RNF125: variants seen among roughly 807,000 people sequenced by gnomAD.
RNF125 encodes E3 ubiquitin-protein ligase RNF125.
A neutral mutation model predicts 26.0 loss-of-function variants in RNF125; 21 were observed. That is an observed-to-expected ratio of 0.81 (90% CI 0.57 to 1.16). The LOEUF (loss-of-function observed/expected upper bound fraction) is 1.16, where lower values mean the gene tolerates loss of function less well. Among genes scored for constraint, RNF125 ranks in the 50% most tolerant of loss-of-function variants. RNF125 has a pLI of 0.00. For missense variants in RNF125, 270 were observed against 299.4 expected (o/e 0.90, Z 0.72); for synonymous variants, 95 against 109.2 (o/e 0.87, Z 0.81).
rs190902243 is a variant in RNF125, at chr18:32,054,168, G to C, written c.504+8436G>C. Among the ~76,000 whole-genome samples, 96 of 147,424 alleles carry C rather than the reference G, an allele frequency of 6.5e-4. 2 individuals carry two copies. In the East Asian group the frequency reaches 0.018, roughly 28 times the overall value. ...GAGCGCAGTGGCGTGGTCTCGGCTCGGAGCAACCTCCACCTCCTGGGTTCA... is the reference window on the plus strand; with the variant it reads ...GAGCGCAGTGGCGTGGTCTCGGCTCCGAGCAACCTCCACCTCCTGGGTTCA... On this transcript the variant is annotated intron_variant, in intron 4 of 5. Coordinates refer to ENST00000217740, the MANE Select transcript of RNF125 (RefSeq NM_017831.4).
chr18:32,055,966 T>C (rs1411100010), intron 4 of RNF125, among the ~76,000 whole-genome samples: 6 of 71,352 alleles, frequency 8.4e-5, no homozygotes, highest in Non-Finnish European at 1.5e-4. Context: ...GTAACAAGAG[T>C]GAAACTCCAT....
chr18:32,057,265 A>G (rs1017608024), intron 4 of RNF125, among the ~76,000 whole-genome samples: 3 of 152,056 alleles, frequency 2.0e-5, no homozygotes, highest in Non-Finnish European at 4.4e-5. Flanking sequence ...GCACTGTACT[A>G]GCTTTTTTAT....
chr18:32,044,171 T>A (rs1254183990), intron 3 of RNF125, among the ~76,000 whole-genome samples: 1 of 152,048 alleles, frequency 6.6e-6, no homozygotes, highest in African/African-American at 2.4e-5. Flanking sequence ...CATGCCTAGC[T>A]AATTTTTGTG....
At chr18:32,036,373 T>C (rs1359439376) in intron 1 of RNF125, among the ~76,000 whole-genome samples, 2 of 151,666 alleles carry the variant, frequency 1.3e-5, no homozygotes, top group Non-Finnish European at 2.9e-5. Context: ...ATGTGCTGAG[T>C]AGTTTAAGAG....
At chr18:32,090,479 T>C in the RNF125 span, among the ~76,000 whole-genome samples, 1 of 152,188 alleles carries the variant, frequency 6.6e-6, no homozygotes, top group Non-Finnish European at 1.5e-5. Flanking sequence ...AAATATAGTT[T>C]GGTAGAGGGA....
chr18:32,040,857 T>C (rs536363871), intron 2 of RNF125, among the ~76,000 whole-genome samples: 14 of 152,288 alleles, frequency 9.2e-5, no homozygotes, highest in South Asian at 2.1e-4. Flanking sequence ...ATGTGCAAAG[T>C]TGGATGTTAC....
At chr18:32,041,896 CTGGG>C (rs2039223650) in intron 2 of RNF125, 1 of 283,038 alleles carries the variant, frequency 3.5e-6, no homozygotes, top group Non-Finnish European at 6.8e-6. Flanking sequence ...TCCCAAAGTG[CTGGG>C]ATTACAGGCG....
At chr18:32,044,584 C>T (rs2039250461) in intron 3 of RNF125, among the ~76,000 whole-genome samples, 1 of 151,954 alleles carries the variant, frequency 6.6e-6, no homozygotes, top group African/African-American at 2.4e-5. Flanking sequence ...GCCTGTTGCC[C>T]AGGCTGGAGT....
At chr18:32,086,132 G>C in the RNF125 span, among the ~76,000 whole-genome samples, 6 of 151,664 alleles carry the variant, frequency 4.0e-5, no homozygotes, top group African/African-American at 1.5e-4. Flanking sequence ...TTCTTTTCAC[G>C]GCTGGCTCTT....
chr18:32,055,258 C>T (rs550963316), intron 4 of RNF125, among the ~76,000 whole-genome samples: 17 of 149,816 alleles, frequency 1.1e-4, no homozygotes, highest in African/African-American at 3.2e-4. Flanking sequence ...ATGATGGCAC[C>T]GCTGCACTCC....
chr18:32,050,865 CTTTTTTTTTTTTTTT>C (rs531751585), intron 4 of RNF125, among the ~76,000 whole-genome samples: 123 of 46,352 alleles, frequency 2.7e-3, no homozygotes, highest in Middle Eastern at 0.038. Flanking sequence ...GTCTAGAGTG[CTTTTTTTTTTTTTTT>C]TTTTTTTTTT....
At chr18:32,064,832 C>G (rs1309169799) in intron 4 of RNF125, among the ~76,000 whole-genome samples, 1 of 152,054 alleles carries the variant, frequency 6.6e-6, no homozygotes, top group African/African-American at 2.4e-5. Flanking sequence ...GGCCAACGTT[C>G]ATAATTGTTG....
At chr18:32,041,035 A>C (rs1472387177) in intron 2 of RNF125, among the ~76,000 whole-genome samples, 2 of 152,044 alleles carry the variant, frequency 1.3e-5, no homozygotes, top group African/African-American at 2.4e-5. Flanking sequence ...GGCAGATTTC[A>C]TGTTTGAGGT....
chr18:32,053,420 G>A (rs908544833), intron 4 of RNF125, among the ~76,000 whole-genome samples: 4 of 147,776 alleles, frequency 2.7e-5, no homozygotes, highest in African/African-American at 1.1e-4. Flanking sequence ...TGTCAGACCT[G>A]CACTGAGTAT....
At chr18:32,077,182 G>A (rs2039575815), downstream of RNF125, among the ~76,000 whole-genome samples, 1 of 152,036 alleles carries the variant, frequency 6.6e-6, no homozygotes, top group Admixed American at 6.6e-5. Flanking sequence ...CATCATCAGT[G>A]TGTGATGATA....
chr18:32,051,636 A>G lies in RNF125; in HGVS notation c.504+5904A>G, dbSNP rs1197978122. Among the ~76,000 whole-genome samples, 4 of 150,376 alleles carry G rather than the reference A, an allele frequency of 2.7e-5. No homozygotes were observed. The South Asian group carries it at 8.3e-4, about 31-fold the overall frequency. On this transcript the variant is annotated intron_variant, in intron 4 of 5. Transcript: ENST00000217740. ...GTCTTAAAAAAAAAAAAAAAAAAAA[A>G]AAGGCATGATTCCATTCACCCTGAT... is the stretch of plus-strand genomic sequence containing the variant.
At chr18:32,052,382 G>C (rs1217505788) in intron 4 of RNF125, among the ~76,000 whole-genome samples, 2 of 151,546 alleles carry the variant, frequency 1.3e-5, no homozygotes, top group Non-Finnish European at 2.9e-5. Context: ...AGTCCCGGCT[G>C]CTCAGGAGGC....
chr18:32,064,768 C>G (rs1184248516), intron 4 of RNF125, among the ~76,000 whole-genome samples: 1 of 152,068 alleles, frequency 6.6e-6, no homozygotes, highest in Non-Finnish European at 1.5e-5. Flanking sequence ...AGTAATCTAC[C>G]TGCCTTGGCC....
intron 4 of RNF125, among the ~76,000 whole-genome samples, chr18:32,062,769 AT>A (rs370534610): frequency 0.021 from 3,145 of 151,486 alleles, 36 homozygotes; most frequent in African/African-American, 0.03. Flanking sequence ...AATTCAAGCT[AT>A]TTTTTTTTCT....
Sources: allele counts gnomAD v4.1 joint callset (sites outside exome capture counted in the v4.1 genomes callset), GRCh38; gene constraint gnomAD v4.1.1; transcripts MANE v1.5; gene names NCBI Gene and HGNC (gene_info 2026-07-23, HGNC 2026-07-21).